Variants in LRRC4C observed in about 807,000 individuals in gnomAD.
LRRC4C encodes leucine-rich repeat-containing protein 4C.
A neutral mutation model predicts 33.6 loss-of-function variants in LRRC4C; 5 were observed. The observed-to-expected ratio is 0.15, with a 90% CI of 0.08 to 0.31. LRRC4C has a LOEUF of 0.31. Ranked by LOEUF, LRRC4C falls within the 10% of genes least tolerant of loss-of-function variation. The pLI is 1.00. For missense variants in LRRC4C, 560 were observed against 796.7 expected, an observed-to-expected ratio of 0.70 and a Z score of 3.58; for synonymous variants, 329 against 302.0, an observed-to-expected ratio of 1.09 and a Z score of -0.93.
intron 2 of LRRC4C, among the ~76,000 whole-genome samples, chr11:40,878,136 G>A (rs920743671): frequency 6.6e-6 from 1 of 152,010 alleles, no homozygotes; most frequent in Admixed American, 6.6e-5. Context: ...AAAGAGTCAC[G>A]GATGGAAGTG....
chr11:40,774,114 C>CT (rs1949878465), intron 2 of LRRC4C, among the ~76,000 whole-genome samples: 1 of 151,992 alleles, frequency 6.6e-6, no homozygotes, highest in Non-Finnish European at 1.5e-5. Flanking sequence ...GAATATATAG[C>CT]TTTTTATGTC....
At chr11:41,045,256 C>T (rs1857693000) in intron 1 of LRRC4C, among the ~76,000 whole-genome samples, 1 of 152,088 alleles carries the variant, frequency 6.6e-6, no homozygotes, top group Middle Eastern at 3.4e-3. Context: ...ACTGAGACAC[C>T]TTAAGCAGTT....
intron 1 of LRRC4C, among the ~76,000 whole-genome samples, chr11:41,067,444 TTA>T (rs1938336122): frequency 6.6e-6 from 1 of 152,144 alleles, no homozygotes; most frequent in African/African-American, 2.4e-5. Flanking sequence ...ACAAAGAGAC[TTA>T]GACTCCCACA....
At chr11:40,174,131 G>A (rs184121132) in intron 5 of LRRC4C, among the ~76,000 whole-genome samples, 105 of 152,216 alleles carry the variant, frequency 6.9e-4, no homozygotes, top group Admixed American at 1.6e-3. Flanking sequence ...GTGTTAGCAC[G>A]CTGCATGAAC....
At chr11:41,434,222 C>T (rs187390759) in intron 1 of LRRC4C, among the ~76,000 whole-genome samples, 19 of 152,244 alleles carry the variant, frequency 1.2e-4, no homozygotes, top group Admixed American at 1.2e-3. Flanking sequence ...GAAAGCACTG[C>T]CACATCCTTT....
chr11:41,286,815 G>A (rs1487756216), intron 1 of LRRC4C, among the ~76,000 whole-genome samples: 1 of 151,854 alleles, frequency 6.6e-6, no homozygotes, highest in Non-Finnish European at 1.5e-5. Context: ...AGGAGGCAAG[G>A]AGGAGGAGGA....
chr11:40,670,808 G>GT (rs1944054828), intron 2 of LRRC4C, among the ~76,000 whole-genome samples: 1 of 152,158 alleles, frequency 6.6e-6, no homozygotes. Flanking sequence ...CTGTCGCCCA[G>GT]GCTGGAGTGC....
chr11:41,005,158 G>T (rs754905500), intron 1 of LRRC4C, among the ~76,000 whole-genome samples: 3 of 152,096 alleles, frequency 2.0e-5, no homozygotes, highest in Non-Finnish European at 4.4e-5. Context: ...GATATGGTTT[G>T]GACATTTATC....
chr11:40,690,837 G>T (rs1032121509), intron 2 of LRRC4C, among the ~76,000 whole-genome samples: 25 of 152,134 alleles, frequency 1.6e-4, no homozygotes, highest in African/African-American at 5.3e-4. Flanking sequence ...GACAAGGGTG[G>T]ACTTTGGAAT....
intron 2 of LRRC4C, among the ~76,000 whole-genome samples, chr11:40,931,453 C>T (rs1254624386): frequency 6.6e-6 from 1 of 152,078 alleles, no homozygotes; most frequent in Admixed American, 6.6e-5. Flanking sequence ...CAGAGTCTTA[C>T]TATTTAACTC....
At chr11:40,141,587 G>A (rs1286611060) in intron 5 of LRRC4C, among the ~76,000 whole-genome samples, 2 of 152,170 alleles carry the variant, frequency 1.3e-5, no homozygotes, top group Non-Finnish European at 2.9e-5. Context: ...AAACCCAGAG[G>A]AACTGCAGAT....
intron 2 of LRRC4C, among the ~76,000 whole-genome samples, chr11:40,689,126 C>A (rs932038042): frequency 4.6e-5 from 7 of 152,040 alleles, no homozygotes; most frequent in African/African-American, 1.7e-4. Flanking sequence ...ACAATATCTT[C>A]TCTTCAGATG....
At chr11:40,498,906 C>T (rs191413445) in intron 3 of LRRC4C, among the ~76,000 whole-genome samples, 24 of 152,270 alleles carry the variant, frequency 1.6e-4, no homozygotes, top group African/African-American at 5.5e-4. Flanking sequence ...TAAGGCCAGT[C>T]ATCCTACAGA....
chr11:41,144,017 C>T (rs1397875373), intron 1 of LRRC4C, among the ~76,000 whole-genome samples: 2 of 152,170 alleles, frequency 1.3e-5, no homozygotes. Context: ...GAAGATGCCA[C>T]GTGCTCAATT....
At chr11:41,258,742 T>C (rs1948882390) in intron 1 of LRRC4C, among the ~76,000 whole-genome samples, 1 of 151,992 alleles carries the variant, frequency 6.6e-6, no homozygotes, top group Non-Finnish European at 1.5e-5. Context: ...TAGGCATTTT[T>C]ACTAATGAAC....
chr11:41,101,372 A>C (rs1941169124), intron 1 of LRRC4C, among the ~76,000 whole-genome samples: 1 of 152,220 alleles, frequency 6.6e-6, no homozygotes, highest in Non-Finnish European at 1.5e-5. Context: ...GGAGATATAC[A>C]TGTGGGCAAC....
At position 40,365,338 on chromosome 11, in the gene LRRC4C, T is replaced by C. The variant is rs560201686; in HGVS notation, c.-269-45617A>G. Among the ~76,000 whole-genome samples the C allele has an allele frequency of 2.6e-5, 4 of 152,214 alleles. No homozygotes were observed. The East Asian group carries it at 5.8e-4, about 22-fold the overall frequency. ...TTGATAGGAGGGTACACTAAAAATA[T>C]GAAGTCAGGGGCCTGAATACTTTTG... On this transcript the variant is annotated intron_variant, in intron 3 of 6. Coordinates refer to ENST00000528697, the MANE Select transcript of LRRC4C (RefSeq NM_001258419.2).
chr11:41,130,940 G>A (rs1448657170), intron 1 of LRRC4C, among the ~76,000 whole-genome samples: 1 of 151,940 alleles, frequency 6.6e-6, no homozygotes, highest in East Asian at 1.9e-4. Context: ...TTATAGAAGA[G>A]AAAAATCTTT....
intron 3 of LRRC4C, among the ~76,000 whole-genome samples, chr11:40,444,223 A>T (rs1483991524): frequency 6.6e-6 from 1 of 152,130 alleles, no homozygotes. Context: ...GGCTTATGTA[A>T]ATTCCCTAAG....
Sources: allele counts gnomAD v4.1 joint callset (sites outside exome capture counted in the v4.1 genomes callset), GRCh38; gene constraint gnomAD v4.1.1; transcripts MANE v1.5; gene names NCBI Gene and HGNC (gene_info 2026-07-23, HGNC 2026-07-21).